The following ENPEP variants were observed in gnomAD, a reference collection of about 807,000 sequenced individuals.
ENPEP encodes the protein AP-A.
ENPEP carries 103 observed loss-of-function variants against 114.5 expected under a neutral mutation model. The ratio of observed to expected loss-of-function variants is 0.90; its 90% CI spans 0.77 to 1.06. ENPEP has a LOEUF of 1.06. Among genes scored for constraint, ENPEP ranks in the 50% least tolerant of loss-of-function variants. The pLI, the probability that ENPEP is intolerant of heterozygous loss-of-function variation, is 0.00. For missense variants in ENPEP, 1,196 were observed against 1,161.3 expected, an observed-to-expected ratio of 1.03 and a Z score of -0.43; for synonymous variants, 420 against 422.0, an observed-to-expected ratio of 1.00 and a Z score of 0.06.
At chr4:110,510,440 C>A in intron 6 of ENPEP, 82 bp downstream of exon 6, 1 of 1,199,024 alleles carries the variant, frequency 8.3e-7, no homozygotes, top group Non-Finnish European at 1.2e-6. Context: ...GATAATGGTC[C>A]CGAGTCAGAT....
At chr4:110,527,261 G>A (rs1043966130) in intron 10 of ENPEP, among the ~76,000 whole-genome samples, 1 of 152,162 alleles carries the variant, frequency 6.6e-6, no homozygotes, top group African/African-American at 2.4e-5. Flanking sequence ...GAAAGCCGTT[G>A]TACTCAACTC....
chr4:110,521,464 G>C (rs1463307991), intron 10 of ENPEP, among the ~76,000 whole-genome samples: 1 of 151,868 alleles, frequency 6.6e-6, no homozygotes, highest in East Asian at 1.9e-4. Flanking sequence ...AATAGAGAGA[G>C]TACACGCCAG....
intron 10 of ENPEP, among the ~76,000 whole-genome samples, chr4:110,524,852 GAGCTCA>G (rs1239348579): frequency 6.6e-6 from 1 of 152,098 alleles, no homozygotes; most frequent in Non-Finnish European, 1.5e-5. Flanking sequence ...TCAATCTCCT[GAGCTCA>G]AGTGATTTTC....
In ENPEP at chr4:110,553,550, A is replaced by G; in HGVS notation, c.2642+95A>G. Reference sequence around the variant, plus strand: ...TTGGGCCACTGTCTCTGACATCTATACAATATCTAAAATGGCATTATTAGA... The same window carrying G: ...TTGGGCCACTGTCTCTGACATCTATGCAATATCTAAAATGGCATTATTAGA... On this transcript the variant is annotated intron_variant, in intron 18 of 19. Coordinates refer to ENST00000265162, the MANE Select transcript of ENPEP (RefSeq NM_001977.4). The G allele has an allele frequency of 1.7e-6, 2 of 1,203,548 alleles. 1 individual carries two copies. The highest frequency in any genetic ancestry group is 2.3e-6 in the Non-Finnish European group (2 of 888,212). 74.6% of individuals were successfully genotyped at this position (1,203,548 alleles called of 1,614,324 possible). A position where few individuals can be genotyped will look rare whatever the true frequency, so the allele number is the denominator to read the frequency against.
At chr4:110,547,176 T>C (rs1417810452) in intron 13 of ENPEP, among the ~76,000 whole-genome samples, 2 of 152,100 alleles carry the variant, frequency 1.3e-5, no homozygotes, top group Non-Finnish European at 1.5e-5. Context: ...TCATATGACC[T>C]TTGTCCTCTT....
Position 110,561,494 on chromosome 4 carries a change from A to T in ENPEP, c.2810A>T (p.Glu937Val). 1 of 1,614,062 alleles carries T rather than the reference A, an allele frequency of 6.2e-7. No individual in the cohort carries two copies. Among genetic ancestry groups the T allele is most frequent in the Non-Finnish European group, 8.5e-7 (1 of 1,179,950 alleles). Residue 937 changes from glutamate to valine, a missense_variant, in exon 20 of 20, where the codon GAG (glutamate) becomes GTG (valine). Physicochemically the swap from Glu to Val is moderately radical, Grantham distance 121 (BLOSUM62 -2). Coordinates refer to ENST00000265162, the MANE Select transcript of ENPEP (RefSeq NM_001977.4). ...CTGGAAACAGTGAAAAACAATATAGAGTGGCTAAAACAACATAGAAACACC... is the reference window on the plus strand; with the variant it reads ...CTGGAAACAGTGAAAAACAATATAGTGTGGCTAAAACAACATAGAAACACC... ...QVLETVKNNI[E>V]WLKQHRNTIR...
In ENPEP at chr4:110,565,095, C is replaced by T. The variant is rs1727785072; in HGVS notation, c.*3537C>T. On this transcript the variant is annotated 3_prime_UTR_variant, in exon 20 of 20. Transcript: ENST00000265162. ...AGTAATTTATTTCTTGTTCTTTCTC[C>T]TCCTCCTTCCTCTACTTCAGGGTTT... 6.6e-6 allele frequency: 1 copy of T among 152,156 alleles called. No individual in the cohort carries two copies. 9.4% of individuals were successfully genotyped at this position (152,156 alleles called of 1,614,324 possible).
At chr4:110,516,913 TATC>T (rs1365273709) in intron 8 of ENPEP, among the ~76,000 whole-genome samples, 1 of 152,150 alleles carries the variant, frequency 6.6e-6, no homozygotes, top group African/African-American at 2.4e-5. Flanking sequence ...ACTCAAATGT[TATC>T]ATATATTCCC....
chr4:110,539,551 T>C (rs765723865), intron 11 of ENPEP, among the ~76,000 whole-genome samples: 1 of 151,474 alleles, frequency 6.6e-6, no homozygotes, highest in Admixed American at 6.6e-5. Flanking sequence ...CTTTCAGTTG[T>C]TTTTTTTGCT....
chr4:110,509,982 T>G (rs1725515277), intron 5 of ENPEP, among the ~76,000 whole-genome samples, 175 bp downstream of exon 5: 1 of 152,234 alleles, frequency 6.6e-6, no homozygotes, highest in African/African-American at 2.4e-5. Flanking sequence ...TGAACCACAT[T>G]GTTTTGCCTT....
rs369549030 is a variant in ENPEP at position 110,542,760 on chromosome 4, T to A, written c.1817T>A (p.Leu606Ter). The A allele has an allele frequency of 7.4e-6, 12 of 1,611,972 alleles. No homozygotes were observed. Among genetic ancestry groups the A allele is most frequent in the Non-Finnish European group, 1.0e-5 (12 of 1,178,778 alleles). ...FNRSEKEGITLNSSNPSGNAF... is the reference protein window; with the variant it reads ...FNRSEKEGIT ...TTATTTACTACTACAGGAATCACTT[T>A]GAACTCCTCTAATCCTAGTGGAAAT... Residue 606 changes from leucine (L) to a stop codon, truncating the protein, a stop_gained, in exon 12 of 20, where the codon TTG becomes TAG. Transcript: ENST00000265162. LOFTEE classifies it high-confidence loss of function.
At position 110,553,338 on chromosome 4, in the gene ENPEP, C is replaced by T. The variant is rs200338472; in HGVS notation, c.2525C>T (p.Thr842Met). Reference protein sequence around the residue: ...LSRYLDLLKDTNLIKTQDVFT... With the variant: ...LSRYLDLLKDMNLIKTQDVFT... Reference sequence around the variant, plus strand: ...AGGTATTTGGATTTGCTCAAGGACACGAACCTTATTAAAACTCAGGATGTG... The same window carrying T: ...AGGTATTTGGATTTGCTCAAGGACATGAACCTTATTAAAACTCAGGATGTG... The change falls in exon 18 of 20, where the codon ACG becomes ATG. Residue 842 changes from threonine to methionine, a missense_variant. Transcript: ENST00000265162. The T allele has an allele frequency of 2.7e-5, 44 of 1,600,666 alleles. No individual in the cohort carries two copies. Among genetic ancestry groups the T allele is most frequent in the East Asian group, 4.5e-5 (2 of 44,728 alleles).
intron 4 of ENPEP, among the ~76,000 whole-genome samples, chr4:110,508,725 G>A (rs988320504): frequency 1.5e-4 from 23 of 152,266 alleles, no homozygotes; most frequent in Non-Finnish European, 2.9e-4. Flanking sequence ...GCTGGAGAAT[G>A]GCGTGAACCC....
chr4:110,483,463 T>A (rs1316013206), intron 1 of ENPEP, among the ~76,000 whole-genome samples: 1 of 152,108 alleles, frequency 6.6e-6, no homozygotes, highest in Non-Finnish European at 1.5e-5. Flanking sequence ...TAGGTACCTT[T>A]TTTGGTTTTT....
At chr4:110,526,372 T>C (rs1433416386) in intron 10 of ENPEP, among the ~76,000 whole-genome samples, 1 of 152,188 alleles carries the variant, frequency 6.6e-6, no homozygotes, top group African/African-American at 2.4e-5. Flanking sequence ...TTATTGAACA[T>C]TGACCAAGTG....
At chr4:110,538,549 A>G (rs1726730328) in intron 11 of ENPEP, among the ~76,000 whole-genome samples, 1 of 152,188 alleles carries the variant, frequency 6.6e-6, no homozygotes, top group African/African-American at 2.4e-5. Flanking sequence ...AACTTTCTCC[A>G]TATCAGCAAT....
intron 8 of ENPEP, among the ~76,000 whole-genome samples, chr4:110,516,647 C>G (rs1373156136): frequency 6.6e-6 from 1 of 151,994 alleles, no homozygotes; most frequent in Non-Finnish European, 1.5e-5. Context: ...ATCAAGCCTT[C>G]TTATGTGGCA....
At position 110,484,941 on chromosome 4, in the gene ENPEP, A is replaced by ACACT. The variant is rs199520464; in HGVS notation, c.645-3597_645-3594dup. On this transcript the variant is annotated intron_variant, in intron 1 of 19. Coordinates refer to ENST00000265162, the MANE Select transcript of ENPEP (RefSeq NM_001977.4). The stretch of plus-strand genomic sequence containing the variant: ...CGCATGCACGCACGCACACTCACAC[A>ACACT]CACTCATCTTCTCAAATTAGTTAGC... Among the ~76,000 whole-genome samples, 1,010 of 152,106 alleles carry ACACT rather than the reference A, an allele frequency of 6.6e-3. 7 individuals carry two copies. Among genetic ancestry groups the ACACT allele is most frequent in the African/African-American group, 0.023 (971 of 41,508 alleles).
chr4:110,545,236 T>C (rs1221642200), intron 13 of ENPEP, among the ~76,000 whole-genome samples: 4 of 152,072 alleles, frequency 2.6e-5, no homozygotes, highest in Non-Finnish European at 4.4e-5. Flanking sequence ...CAGAACTAAA[T>C]GATACATCTG....
Sources: allele counts gnomAD v4.1 joint callset (sites outside exome capture counted in the v4.1 genomes callset), GRCh38; gene constraint gnomAD v4.1.1; transcripts MANE v1.5; gene names NCBI Gene and HGNC (gene_info 2026-07-23, HGNC 2026-07-21).